The following VAV2 variants were observed in gnomAD, a reference collection of about 807,000 sequenced individuals.
The protein encoded by VAV2 is vav guanine nucleotide exchange factor 2, also known as guanine nucleotide exchange factor VAV2.
In VAV2, 67 loss-of-function variants were observed where a neutral mutation model predicts 132.5. That is an observed-to-expected ratio of 0.51 (90% CI 0.42 to 0.62). The LOEUF (loss-of-function observed/expected upper bound fraction) is 0.62, where lower values mean the gene tolerates loss of function less well. Ranked by LOEUF, VAV2 falls within the 20% of genes least tolerant of loss-of-function variation. VAV2 has a pLI of 0.00. For synonymous variants in VAV2, 492 were observed against 443.5 expected (o/e 1.11, Z -1.37); for missense variants, 938 against 1,153.6 (o/e 0.81, Z 2.71).
intron 2 of VAV2, among the ~76,000 whole-genome samples, chr9:133,890,168 G>A (rs991666728): frequency 6.6e-6 from 1 of 152,190 alleles, no homozygotes; most frequent in African/African-American, 2.4e-5. Context: ...CATCCACAGG[G>A]CACAGAGCCC....
At chr9:133,946,685 G>C (rs960731873) in intron 1 of VAV2, among the ~76,000 whole-genome samples, 1 of 152,248 alleles carries the variant, frequency 6.6e-6, no homozygotes, top group East Asian at 1.9e-4. Flanking sequence ...CAGAAGCTCT[G>C]ACTGGCAGCT....
At chr9:133,911,243 C>T (rs1288929521) in intron 2 of VAV2, among the ~76,000 whole-genome samples, 2 of 152,242 alleles carry the variant, frequency 1.3e-5, no homozygotes, top group East Asian at 3.8e-4. Context: ...GGAACACACC[C>T]GTTCCCCAGC....
At chr9:133,809,203 G>A (rs1197123153) in intron 6 of VAV2, 65 bp from the exon 7 acceptor site, 23 of 1,390,134 alleles carry the variant, frequency 1.7e-5, no homozygotes, top group Non-Finnish European at 2.1e-5. Flanking sequence ...CTGCACATCT[G>A]CACCGCGACA....
At chr9:133,791,334 C>T (rs111541353) in intron 13 of VAV2, among the ~76,000 whole-genome samples, 4 of 152,198 alleles carry the variant, frequency 2.6e-5, no homozygotes, top group African/African-American at 7.2e-5. Context: ...CCGGCCCCAC[C>T]GAGCCTGGGC....
chr9:133,795,608 T>G lies in VAV2; in HGVS notation c.1101+60A>C, dbSNP rs1277650850. 5.0e-6 allele frequency: 8 copies of G among 1,593,330 alleles called. No homozygotes were observed. In the Middle Eastern group the frequency reaches 5.0e-4, roughly 99 times the overall value. On this transcript the variant is annotated intron_variant, in intron 12 of 29. Coordinates refer to ENST00000371850, the MANE Select transcript of VAV2 (RefSeq NM_001134398.2). Reference sequence around the variant, plus strand: ...GGCTCGTTAATGAGCCCAATTCCAGTCCAAGAACACGGGCTAAGCCAGACG... The same window carrying G: ...GGCTCGTTAATGAGCCCAATTCCAGGCCAAGAACACGGGCTAAGCCAGACG...
chr9:133,789,127 A>G, intron 14 of VAV2, 131 bp downstream of exon 14: 1 of 998,252 alleles, frequency 1.0e-6, no homozygotes, highest in African/African-American at 1.6e-5. Context: ...ACTGAACAAC[A>G]CAAAGCCACC....
Position 133,806,114 on chromosome 9 carries a change from G to A in VAV2, c.803C>T (p.Thr268Met), listed in dbSNP as rs147505589. The A allele has an allele frequency of 9.9e-6, 16 of 1,612,914 alleles. No individual in the cohort carries two copies. The African/African-American group carries it at 1.1e-4, about 11-fold the overall frequency. ...IDVSVMVGGS[T>M]LAKVFLDFKE... Reference sequence around the variant, plus strand: ...GAAATCGAGGAAGACCTTGGCCAGCGTGCTGCCCCCCACCATCACGGACAC... The same window carrying A: ...GAAATCGAGGAAGACCTTGGCCAGCATGCTGCCCCCCACCATCACGGACAC... Residue 268 changes from threonine to methionine, a missense_variant, in exon 9 of 30, where the codon ACG becomes ATG. Physicochemically the swap from Thr to Met is moderately conservative, Grantham distance 81 (BLOSUM62 -1). Coordinates refer to ENST00000371850, the MANE Select transcript of VAV2 (RefSeq NM_001134398.2).
At chr9:133,849,662 CTG>C (rs1837089728) in intron 3 of VAV2, among the ~76,000 whole-genome samples, 1 of 152,204 alleles carries the variant, frequency 6.6e-6, no homozygotes, top group Non-Finnish European at 1.5e-5. Context: ...TGCTGCAGAG[CTG>C]TGCTCCCTCT....
chr9:133,816,828 A>G (rs1489009597), intron 4 of VAV2, among the ~76,000 whole-genome samples: 1 of 152,246 alleles, frequency 6.6e-6, no homozygotes, highest in African/African-American at 2.4e-5. Flanking sequence ...CTATTTTGGA[A>G]TAACTACTCT....
intron 23 of VAV2, 126 bp from the exon 24 acceptor site, chr9:133,776,206 A>C (rs1207392588): frequency 1.5e-6 from 2 of 1,340,650 alleles, no homozygotes; most frequent in Non-Finnish European, 2.0e-6. Flanking sequence ...CTGTCTGTGG[A>C]CTTAGCCCCA....
intron 3 of VAV2, among the ~76,000 whole-genome samples, chr9:133,844,449 G>A (rs975218496): frequency 2.6e-5 from 4 of 152,204 alleles, no homozygotes; most frequent in Admixed American, 1.3e-4. Flanking sequence ...ATCAGAGAAC[G>A]GGGCTGAGGG....
rs1450626304 is a variant in VAV2 at position 133,885,124 on chromosome 9, T to C, written c.322-23692A>G. ...CCAGAGGACTGGCAAGCACAGCCAA[T>C]ATTCATCAAAATGCATGAATCTTCT... is the stretch of plus-strand genomic sequence containing the variant. On this transcript the variant is annotated intron_variant, in intron 2 of 29. Transcript: ENST00000371850. The surrounding 1 kb of genome is among the most constrained non-coding windows in gnomAD (Gnocchi z 5.0). Among the ~76,000 whole-genome samples the C allele has an allele frequency of 6.6e-6, 1 of 152,232 alleles. No homozygotes were observed. Among genetic ancestry groups the C allele is most frequent in the African/African-American group, 2.4e-5 (1 of 41,464 alleles).
intron 2 of VAV2, among the ~76,000 whole-genome samples, chr9:133,887,889 A>G (rs371364419): frequency 2.6e-5 from 4 of 151,716 alleles, no homozygotes; most frequent in African/African-American, 7.3e-5. Flanking sequence ...GCCCTGAAGG[A>G]AAGACGAGGC....
intron 19 of VAV2, among the ~76,000 whole-genome samples, chr9:133,781,375 A>G (rs150170166): frequency 0.013 from 1,936 of 152,318 alleles, 37 homozygotes; most frequent in African/African-American, 0.044. Flanking sequence ...GCTCACACAC[A>G]TCGCTGACGT....
Position 133,895,658 on chromosome 9 carries a change from G to A in VAV2, c.322-34226C>T, listed in dbSNP as rs145459436. On this transcript the variant is annotated intron_variant, in intron 2 of 29. Transcript: ENST00000371850. ...GCTGGGGAAATTTGGGGGGGATGAG[G>A]AGTTACTGCTAATGGGTTGGGGTTT... 3.1e-3 allele frequency among the ~76,000 whole-genome samples: 479 copies of A among 152,204 alleles called. 1 individual carries two copies. Among genetic ancestry groups the A allele is most frequent in the African/African-American group, 0.011 (467 of 41,514 alleles).
In VAV2 at chr9:133,780,720, A is replaced by T; in HGVS notation, c.1724-10T>A. On this transcript the variant is annotated splice_polypyrimidine_tract_variant and intron_variant, in intron 19 of 29. Coordinates refer to ENST00000371850, the MANE Select transcript of VAV2 (RefSeq NM_001134398.2). ...AGATCTGCAGGAGAAGCTGGAAAGGAAGCAGGTCAGGTGTTAGAGGGGAGG... is the reference window on the plus strand; with the variant it reads ...AGATCTGCAGGAGAAGCTGGAAAGGTAGCAGGTCAGGTGTTAGAGGGGAGG... 7.8e-7 allele frequency: 1 copy of T among 1,275,262 alleles called. No individual in the cohort carries two copies. The allele number at this position is 1,275,262 out of a possible 1,614,324, so 79.0% of individuals were successfully genotyped here.
chr9:133,973,155 G>A (rs1842395442), intron 1 of VAV2, among the ~76,000 whole-genome samples: 1 of 152,034 alleles, frequency 6.6e-6, no homozygotes. Context: ...CATGGGCACA[G>A]GGGATCTGCA....
intron 7 of VAV2, 97 bp downstream of exon 7, chr9:133,808,943 A>G (rs1433116163): frequency 3.4e-6 from 4 of 1,165,956 alleles, no homozygotes; most frequent in Admixed American, 4.3e-5. Context: ...GAGAGGCCCT[A>G]TGGCCCTGCC....
At chr9:133,965,931 A>G (rs1463070741) in intron 1 of VAV2, among the ~76,000 whole-genome samples, 2 of 152,236 alleles carry the variant, frequency 1.3e-5, no homozygotes, top group Non-Finnish European at 2.9e-5. Flanking sequence ...GCATAAAAAC[A>G]AAACACATAC....
Sources: allele counts gnomAD v4.1 joint callset (sites outside exome capture counted in the v4.1 genomes callset), GRCh38; gene constraint gnomAD v4.1.1; non-coding constraint Gnocchi (gnomAD v3.1); transcripts MANE v1.5; gene names NCBI Gene and HGNC (gene_info 2026-07-23, HGNC 2026-07-21).